Variants in TRPS1 observed in about 807,000 individuals in gnomAD.
TRPS1 encodes the protein transcriptional repressor GATA binding 1.
TRPS1 carries 6 observed loss-of-function variants against 101.2 expected under a neutral mutation model. The observed-to-expected ratio is 0.06, with a 90% CI of 0.03 to 0.12. TRPS1 has a LOEUF of 0.12. TRPS1 is among the 10% of genes least tolerant of loss of function. TRPS1 has a pLI of 1.00. For synonymous variants in TRPS1, 578 were observed against 589.8 expected (o/e 0.98, Z 0.29); for missense variants, 1,363 against 1,567.0 (o/e 0.87, Z 2.20).
intron 5 of TRPS1, among the ~76,000 whole-genome samples, chr8:115,435,503 G>C (rs1813425598): frequency 6.6e-6 from 1 of 152,120 alleles, no homozygotes; most frequent in South Asian, 2.1e-4. Flanking sequence ...TCAGGGAAGA[G>C]GTGGGGTACT....
At chr8:115,424,522 A>T (rs928616047) in intron 5 of TRPS1, among the ~76,000 whole-genome samples, 2 of 152,218 alleles carry the variant, frequency 1.3e-5, no homozygotes, top group Admixed American at 6.5e-5. Flanking sequence ...TTCTAAAAAC[A>T]TACTAATTAT....
chr8:115,587,225 G>A lies in TRPS1; in HGVS notation c.2476C>T (p.Leu826=). The A allele has an allele frequency of 6.2e-7, 1 of 1,614,242 alleles. No individual in the cohort carries two copies. Among genetic ancestry groups the A allele is most frequent in the Non-Finnish European group, 8.5e-7 (1 of 1,180,028 alleles). ...SPSYTQASLG[L]LTPVSGTQEQ... ...TGGGTGCCAGACACAGGCGTCAGCA[G>A]CCCCAGGCTTGCTTGGGTGTATGAC... The change falls in exon 5 of 7, where the codon CTG becomes TTG. Residue 826 remains leucine, a synonymous_variant. Transcript: ENST00000395715.
intron 1 of TRPS1, among the ~76,000 whole-genome samples, chr8:115,631,392 C>T (rs1167358547): frequency 6.6e-6 from 1 of 151,882 alleles, no homozygotes; most frequent in Non-Finnish European, 1.5e-5. Flanking sequence ...TAAAATAATT[C>T]AATATATATA....
chr8:115,449,620 T>C (rs1281392094), intron 5 of TRPS1, among the ~76,000 whole-genome samples: 1 of 152,190 alleles, frequency 6.6e-6, no homozygotes, highest in Non-Finnish European at 1.5e-5. Context: ...TAGAGGTCTG[T>C]TGGCCCCACA....
chr8:115,543,897 T>C (rs1816512147), intron 5 of TRPS1, among the ~76,000 whole-genome samples: 1 of 152,134 alleles, frequency 6.6e-6, no homozygotes, highest in Admixed American at 6.6e-5. Flanking sequence ...GATGCTCATG[T>C]CTGTTTAACA....
intron 5 of TRPS1, among the ~76,000 whole-genome samples, chr8:115,478,980 T>A (rs1412793705): frequency 6.7e-6 from 1 of 149,688 alleles, no homozygotes; most frequent in South Asian, 2.1e-4. Flanking sequence ...TATGTATATA[T>A]ATGTATATAT....
intron 5 of TRPS1, among the ~76,000 whole-genome samples, chr8:115,566,763 A>T (rs891772407): frequency 5.9e-5 from 9 of 152,116 alleles, no homozygotes; most frequent in African/African-American, 2.2e-4. Context: ...ACACATTTTC[A>T]TTTTGCCTCG....
Position 115,415,186 on chromosome 8 carries a change from A to G in TRPS1, c.2824-102T>C, listed in dbSNP as rs1007697525. 34 of 1,245,796 alleles carry G rather than the reference A, an allele frequency of 2.7e-5. No individual in the cohort carries two copies. In the African/African-American group the frequency reaches 4.7e-4, roughly 17 times the overall value. 77.2% of individuals were successfully genotyped at this position (1,245,796 alleles called of 1,614,324 possible). A position where few individuals can be genotyped will look rare whatever the true frequency, so the allele number is the denominator to read the frequency against. On this transcript the variant is annotated intron_variant, in intron 6 of 6. Transcript: ENST00000395715. ...TATAAACCATGCTTAAGTTCAAAGC[A>G]GGGATAGGCTTTCTGCTGTAGATTT...
Position 115,505,785 on chromosome 8 carries a change from T to G in TRPS1, c.2700+81216A>C, listed in dbSNP as rs1330485513. 3.3e-5 allele frequency among the ~76,000 whole-genome samples: 5 copies of G among 152,228 alleles called. No individual in the cohort carries two copies. In the East Asian group the frequency reaches 9.7e-4, roughly 29 times the overall value. On this transcript the variant is annotated intron_variant, in intron 5 of 6. Transcript: ENST00000395715. ...TTACCAAGTCAGGTCTTAAGACTTC[T>G]GGAGGCAATTTGAAAGACTGTGAAA...
rs1045807509 is a variant in TRPS1, at chr8:115,412,327, A to G, written c.*1696T>C. The G allele has an allele frequency of 6.6e-6, 1 of 152,470 alleles. No individual in the cohort carries two copies. Among genetic ancestry groups the G allele is most frequent in the Admixed American group, 6.6e-5 (1 of 15,240 alleles). The allele number at this position is 152,470 out of a possible 1,614,324, so 9.4% of individuals were successfully genotyped here. On this transcript the variant is annotated 3_prime_UTR_variant, in exon 7 of 7. Transcript: ENST00000395715. The stretch of plus-strand genomic sequence containing the variant: ...GTTACCGTTTACAACTTTAATGCAC[A>G]CACACACACACAAAAGGATATCTAC...
intron 3 of TRPS1, 99 bp downstream of exon 3, chr8:115,619,033 C>T (rs1279430033): frequency 3.1e-6 from 4 of 1,300,826 alleles, no homozygotes; most frequent in Non-Finnish European, 4.3e-6. Flanking sequence ...AGCAGGCTAC[C>T]TGTCTGGTAC....
intron 5 of TRPS1, among the ~76,000 whole-genome samples, chr8:115,551,925 C>G (rs576599812): frequency 7.2e-5 from 11 of 152,300 alleles, no homozygotes; most frequent in African/African-American, 2.6e-4. Context: ...CCATGCAATG[C>G]CTGCCTTTTG....
chr8:115,549,096 C>A (rs1455584630), intron 5 of TRPS1, among the ~76,000 whole-genome samples: 1 of 152,138 alleles, frequency 6.6e-6, no homozygotes, highest in African/African-American at 2.4e-5. Flanking sequence ...TATATAATAG[C>A]TTTACATCAT....
intron 1 of TRPS1, among the ~76,000 whole-genome samples, chr8:115,630,242 T>C (rs1226618752): frequency 6.6e-6 from 1 of 151,980 alleles, no homozygotes; most frequent in Non-Finnish European, 1.5e-5. Context: ...TGATGTGACA[T>C]ACAGGAGTAA....
At chr8:115,450,328 C>T (rs932495108) in intron 5 of TRPS1, among the ~76,000 whole-genome samples, 2 of 152,148 alleles carry the variant, frequency 1.3e-5, no homozygotes, top group South Asian at 2.1e-4. Flanking sequence ...CTTCTGTGTC[C>T]GCAGGAGCTG....
intron 5 of TRPS1, among the ~76,000 whole-genome samples, chr8:115,510,736 A>C (rs1678631107): frequency 6.6e-6 from 1 of 151,924 alleles, no homozygotes; most frequent in South Asian, 2.1e-4. Context: ...GGAATTCAAC[A>C]CAGATGTCAC....
In TRPS1 at chr8:115,604,593, G is replaced by T; in HGVS notation, c.1376C>A (p.Ser459Tyr). ...CKFCSFSCES[S>Y]SSLKLLEHYG... is the part of the protein sequence containing the mutation. ...ATGTTCTAGCAGTTTAAGTGAGCTA[G>T]ATGACTCACAGCTGAAACTACAAAA... The change falls in exon 4 of 7, where the codon TCT becomes TAT. Residue 459 changes from serine (S) to tyrosine (Y), a missense_variant. Transcript: ENST00000395715. The surrounding 1 kb of genome is among the most constrained non-coding windows in gnomAD (Gnocchi z 4.1). 1 of 1,614,048 alleles carries T rather than the reference G, an allele frequency of 6.2e-7. No homozygotes were observed. Among genetic ancestry groups the T allele is most frequent in the East Asian group, 2.2e-5 (1 of 44,868 alleles).
rs2721938 is a variant in TRPS1 at position 115,623,384 on chromosome 8, C to T, written c.37+217G>A. On this transcript the variant is annotated intron_variant, in intron 2 of 6. Transcript: ENST00000395715. ...AATAATTTTACTGGAATTATATCAT[C>T]GTAATTTTTCAGAGTGACAGATTAT... Among the ~76,000 whole-genome samples the T allele has an allele frequency of 0.56, 84,616 of 151,760 alleles. 25,214 individuals are homozygous for T. Among genetic ancestry groups the T allele is most frequent in the East Asian group, 0.84 (4,340 of 5,176 alleles).
intron 5 of TRPS1, among the ~76,000 whole-genome samples, chr8:115,427,470 T>TATC (rs767137696): frequency 1.7e-4 from 26 of 152,222 alleles, no homozygotes; most frequent in Non-Finnish European, 2.6e-4. Context: ...CAAGTATTAT[T>TATC]ATCATTATTA....
Sources: gnomAD v4.1 joint callset for allele counts (sites outside exome capture counted in the v4.1 genomes callset) on GRCh38, gnomAD v4.1.1 for gene constraint, Gnocchi (gnomAD v3.1) non-coding constraint, MANE v1.5 for transcripts, NCBI Gene and HGNC (gene_info 2026-07-23, HGNC 2026-07-21) for gene names.